Variants in AHI1 observed in about 807,000 individuals in gnomAD.
AHI1 encodes jouberin.
AHI1 carries 123 observed loss-of-function variants against 149.3 expected under a neutral mutation model. The observed-to-expected ratio is 0.82, with a 90% CI of 0.71 to 0.96. The LOEUF (loss-of-function observed/expected upper bound fraction) is 0.96. Ranked by LOEUF, AHI1 falls within the 40% of genes least tolerant of loss-of-function variation. The pLI, the probability that AHI1 is intolerant of heterozygous loss-of-function variation, is 0.00. For missense variants in AHI1, 1,439 were observed against 1,422.7 expected (o/e 1.01, Z -0.18); for synonymous variants, 475 against 459.8 (o/e 1.03, Z -0.42).
At chr6:135,381,602 C>A (rs1776773898) in intron 23 of AHI1, among the ~76,000 whole-genome samples, 1 of 152,148 alleles carries the variant, frequency 6.6e-6, no homozygotes, top group African/African-American at 2.4e-5. Context: ...ATTTAGAGAA[C>A]TCCAAAATAG....
At chr6:135,330,862 T>G (rs1788482477) in intron 24 of AHI1, among the ~76,000 whole-genome samples, 1 of 152,246 alleles carries the variant, frequency 6.6e-6, no homozygotes, top group African/African-American at 2.4e-5. Flanking sequence ...ATATTGTATG[T>G]AGTAAACTTC....
chr6:135,397,403 T>G (rs1779371676), intron 22 of AHI1, among the ~76,000 whole-genome samples: 1 of 151,988 alleles, frequency 6.6e-6, no homozygotes. Flanking sequence ...TACCCTCTTT[T>G]CACAACACCC....
intron 5 of AHI1, among the ~76,000 whole-genome samples, chr6:135,475,719 G>C (rs904618211): frequency 6.6e-6 from 1 of 152,148 alleles, no homozygotes; most frequent in African/African-American, 2.4e-5. Flanking sequence ...ACTCTACTGG[G>C]GGGTGTACCT....
At chr6:135,342,820 C>G (rs1177603851) in intron 24 of AHI1, among the ~76,000 whole-genome samples, 1 of 151,464 alleles carries the variant, frequency 6.6e-6, no homozygotes, top group Non-Finnish European at 1.5e-5. Context: ...ACATACATAA[C>G]AGCATAGCTA....
chr6:135,342,722 T>A (rs1441777639), intron 24 of AHI1, among the ~76,000 whole-genome samples: 1 of 151,182 alleles, frequency 6.6e-6, no homozygotes, highest in Non-Finnish European at 1.5e-5. Flanking sequence ...TCAACAAAAG[T>A]AAGAACACAA....
At chr6:135,492,183 T>C (rs1173975448) in intron 4 of AHI1, 45 bp downstream of exon 4, 2 of 1,403,268 alleles carry the variant, frequency 1.4e-6, no homozygotes, top group East Asian at 2.5e-5. Context: ...TAAAAGTAAA[T>C]GTATAAAATA....
chr6:135,299,129 G>A (rs1270169534), intron 27 of AHI1, among the ~76,000 whole-genome samples: 1 of 152,068 alleles, frequency 6.6e-6, no homozygotes, highest in Non-Finnish European at 1.5e-5. Flanking sequence ...AAACATATCT[G>A]ACTGATAACA....
chr6:135,370,593 A>T (rs1050202136), intron 23 of AHI1, among the ~76,000 whole-genome samples: 1 of 152,204 alleles, frequency 6.6e-6, no homozygotes, highest in African/African-American at 2.4e-5. Context: ...CATGTATTTA[A>T]GTGACTGTTT....
chr6:135,415,022 T>C (rs1282326920), intron 20 of AHI1, among the ~76,000 whole-genome samples: 1 of 143,006 alleles, frequency 7.0e-6, no homozygotes, highest in East Asian at 2.1e-4. Flanking sequence ...GTCCATGTGT[T>C]CTCACTGTTC....
intron 23 of AHI1, among the ~76,000 whole-genome samples, chr6:135,379,018 C>T (rs1776324581): frequency 6.6e-6 from 1 of 152,184 alleles, no homozygotes; most frequent in South Asian, 2.1e-4. Context: ...ACTCCTTCAT[C>T]TATACTTACA....
intron 27 of AHI1, among the ~76,000 whole-genome samples, chr6:135,293,616 G>GACAAATACCTGTAAATTGAAAGTTAAAA (rs60108996): frequency 1.3e-5 from 2 of 151,612 alleles, no homozygotes; most frequent in African/African-American, 4.9e-5. Flanking sequence ...ATAAACTAGC[G>GACAAATACCTGTAAATTGAAAGTTAAAA]ACAATACCAT....
chr6:135,450,580 G>A (rs9494243), intron 11 of AHI1, among the ~76,000 whole-genome samples: 5,432 of 152,178 alleles, frequency 0.036, 196 homozygotes, highest in African/African-American at 0.093. Context: ...ATAAGCACTC[G>A]AGACTCCCTT....
intron 23 of AHI1, among the ~76,000 whole-genome samples, chr6:135,380,744 CAA>C (rs138451119): frequency 1.9e-4 from 19 of 100,496 alleles, no homozygotes; most frequent in Admixed American, 6.1e-4. Flanking sequence ...CCCCCCCCCC[CAA>C]AAAAAAAGTA....
rs560424370 is a variant in AHI1, at chr6:135,465,981, G to A, written c.582C>T (p.Cys194=). 1.2e-6 allele frequency: 2 copies of A among 1,613,624 alleles called. No homozygotes were observed. Among genetic ancestry groups the A allele is most frequent in the African/African-American group, 1.3e-5 (1 of 74,956 alleles). Residue 194 remains cysteine, a synonymous_variant, in exon 7 of 29, where the codon TGC becomes TGT. Coordinates refer to ENST00000265602, the MANE Select transcript of AHI1 (RefSeq NM_001134831.2). ...EDEELMQAYQ[C]HVTEEMAKEI... is the part of the protein sequence containing the mutation. ...CCTTTGCCATTTCTTCAGTTACATG[G>A]CACTGATATGCTTGCATCAATTCTT...
intron 7 of AHI1, among the ~76,000 whole-genome samples, chr6:135,464,664 ACC>A (rs1243494439): frequency 6.6e-6 from 1 of 152,132 alleles, no homozygotes; most frequent in African/African-American, 2.4e-5. Context: ...TTGTGTGTAG[ACC>A]ATATGGAGAC....
At chr6:135,472,766 G>A (rs1791945866) in intron 5 of AHI1, among the ~76,000 whole-genome samples, 1 of 151,528 alleles carries the variant, frequency 6.6e-6, no homozygotes, top group Admixed American at 6.6e-5. Flanking sequence ...CTCTTTACAT[G>A]TGTCTATTTG....
At chr6:135,405,087 GTTTC>G (rs1780567798) in intron 21 of AHI1, 110 bp from the exon 22 acceptor site, 1 of 898,512 alleles carries the variant, frequency 1.1e-6, no homozygotes, top group Non-Finnish European at 1.7e-6. Flanking sequence ...GCATTTGGAA[GTTTC>G]TTTATCCATT....
intron 23 of AHI1, among the ~76,000 whole-genome samples, chr6:135,375,505 C>A (rs1279923455): frequency 6.6e-6 from 1 of 152,084 alleles, no homozygotes; most frequent in African/African-American, 2.4e-5. Context: ...GGTGTTGGGA[C>A]AATATGTTGG....
chr6:135,348,126 A>G (rs575962540), intron 24 of AHI1, among the ~76,000 whole-genome samples: 1 of 152,340 alleles, frequency 6.6e-6, no homozygotes, highest in East Asian at 1.9e-4. Context: ...AGGATAGAGT[A>G]TCACAAGAAG....
Sources: gnomAD v4.1 joint callset for allele counts (sites outside exome capture counted in the v4.1 genomes callset) on GRCh38, gnomAD v4.1.1 for gene constraint, MANE v1.5 for transcripts, NCBI Gene and HGNC (gene_info 2026-07-23, HGNC 2026-07-21) for gene names.